The following BAHCC1 variants were observed in gnomAD, a reference collection of about 807,000 sequenced individuals.
BAHCC1 encodes BAH domain and coiled-coil containing 1, also known as BAH and coiled-coil domain-containing protein 1.
Under a neutral mutation model 88.2 loss-of-function variants are expected in BAHCC1, and 43 were observed. The observed-to-expected ratio is 0.49, with a 90% CI of 0.38 to 0.63. BAHCC1 has a LOEUF of 0.63. BAHCC1 is among the 20% of genes least tolerant of loss of function. The pLI, the probability that BAHCC1 is intolerant of heterozygous loss-of-function variation, is 0.00. For synonymous variants in BAHCC1, 1,510 were observed against 745.5 expected (o/e 2.03, Z -16.71); for missense variants, 3,023 against 1,654.8 (o/e 1.83, Z -14.34).
intron 2 of BAHCC1, among the ~76,000 whole-genome samples, chr17:81,424,989 TGGTGATAGTGATG>T (rs2064159577): frequency 7.3e-6 from 1 of 137,696 alleles, no homozygotes; most frequent in Non-Finnish European, 1.6e-5. Context: ...ATGTGGTTGG[TGGTGATAGTGATG>T]GGTGATGTGG....
chr17:81,422,711 G>A, intron 2 of BAHCC1: 1 of 398,542 alleles, frequency 2.5e-6, no homozygotes, highest in South Asian at 1.8e-5. Context: ...GTGTGGGAGA[G>A]CTCAAGGTAC....
Position 81,419,788 on chromosome 17 carries a change from C to CTTTTTTTTTTTTT in BAHCC1, c.179-7012_179-7011insTTTTTTTTTTTTT, listed in dbSNP as rs781909536. On this transcript the variant is annotated intron_variant, in intron 2 of 27. Coordinates refer to ENST00000675386, the MANE Select transcript of BAHCC1 (RefSeq NM_001377448.1). Reference sequence around the variant, plus strand: ...TGGAGCTGCCGCCATCTCAACGAGGCGTTTTTTTTTTTTTTTTTTTTTACA... The same window carrying CTTTTTTTTTTTTT: ...TGGAGCTGCCGCCATCTCAACGAGGCTTTTTTTTTTTTTGTTTTTTTTTTTTTTTTTTTTTACA... Among the ~76,000 whole-genome samples the CTTTTTTTTTTTTT allele has an allele frequency of 2.0e-5, 2 of 102,310 alleles. 1 individual carries two copies. The highest frequency in any genetic ancestry group is 3.9e-5 in the Non-Finnish European group (2 of 50,710). The allele number at this position is 102,310 out of a possible 152,430, so 67.1% of individuals were successfully genotyped here.
intron 2 of BAHCC1, among the ~76,000 whole-genome samples, chr17:81,426,451 T>TAGGG (rs879097937): frequency 5.0e-5 from 3 of 59,488 alleles, no homozygotes; most frequent in Admixed American, 1.8e-4. Context: ...TTGGGGGTGA[T>TAGGG]GTGGGTGATG....
At chr17:81,453,599 C>G (rs1409108749) in intron 14 of BAHCC1, among the ~76,000 whole-genome samples, 3 of 151,974 alleles carry the variant, frequency 2.0e-5, no homozygotes, top group Non-Finnish European at 2.9e-5. Context: ...CTGCCCCCCC[C>G]CAGAGCTGCC....
At chr17:81,406,779 G>A in intron 2 of BAHCC1, 1 of 419,642 alleles carries the variant, frequency 2.4e-6, no homozygotes, top group Non-Finnish European at 4.8e-6. Context: ...AGGCGCTGGG[G>A]GCAGGCGGCG....
At chr17:81,397,927 C>A (rs782534102) in intron 1 of BAHCC1, among the ~76,000 whole-genome samples, 2 of 152,212 alleles carry the variant, frequency 1.3e-5, no homozygotes, top group African/African-American at 2.4e-5. Flanking sequence ...TATGTATTCA[C>A]TTAATACATT....
intron 1 of BAHCC1, among the ~76,000 whole-genome samples, chr17:81,397,892 TA>T (rs1182773486): frequency 3.3e-5 from 5 of 152,238 alleles, no homozygotes; most frequent in African/African-American, 7.2e-5. Context: ...GAATAAATAT[TA>T]AAAAAGCTTA....
intron 2 of BAHCC1, chr17:81,401,306 G>A (rs78907170): frequency 1.3e-5 from 2 of 152,804 alleles, no homozygotes; most frequent in South Asian, 2.1e-4. Context: ...AGCACTTCCC[G>A]GGTTGGCCCA....
In BAHCC1 at chr17:81,399,121, G is replaced by A; in HGVS notation, c.-206-413G>A. ...GGCAGCGGGGGAGGGGAGAGGGTGT[G>A]CGTGTGAGTGTGTGTGTGTGTGTGT... On this transcript the variant is annotated intron_variant, in intron 1 of 27. Coordinates refer to ENST00000675386, the MANE Select transcript of BAHCC1 (RefSeq NM_001377448.1). The surrounding 1 kb of genome is among the most constrained non-coding windows in gnomAD (Gnocchi z 4.5). 4.8e-6 allele frequency: 1 copy of A among 207,042 alleles called. No homozygotes were observed. Among genetic ancestry groups the A allele is most frequent in the Non-Finnish European group, 1.0e-5 (1 of 98,830 alleles). The allele number at this position is 207,042 out of a possible 1,614,324, so 12.8% of individuals were successfully genotyped here.
intron 4 of BAHCC1, among the ~76,000 whole-genome samples, chr17:81,441,147 C>T (rs531040916): frequency 6.6e-6 from 1 of 152,204 alleles, no homozygotes; most frequent in African/African-American, 2.4e-5. Flanking sequence ...AGACTGGCCT[C>T]GGGTTTGCAT....
rs1371943177 is a variant in BAHCC1, at chr17:81,411,072, T to A, written c.178+11155T>A. Reference sequence around the variant, plus strand: ...TGCGCCTCCCCTCGGGCCTGAGGGGTCCCTCTCTCTGGGGTCACGCTCCCT... The same window carrying A: ...TGCGCCTCCCCTCGGGCCTGAGGGGACCCTCTCTCTGGGGTCACGCTCCCT... On this transcript the variant is annotated intron_variant, in intron 2 of 27. Transcript: ENST00000675386. This position sits in a 1 kb window ranked among gnomAD's most constrained non-coding sequence, Gnocchi z 6.2. 3.9e-6 allele frequency: 2 copies of A among 518,710 alleles called. No homozygotes were observed. The highest frequency in any genetic ancestry group is 1.9e-5 in the African/African-American group (1 of 51,788). The allele number at this position is 518,710 out of a possible 1,614,324, so 32.1% of individuals were successfully genotyped here.
intron 3 of BAHCC1, among the ~76,000 whole-genome samples, chr17:81,432,956 G>T (rs1350943498): frequency 1.5e-5 from 2 of 129,476 alleles, no homozygotes; most frequent in African/African-American, 3.0e-5. Flanking sequence ...TGGGGTTGGT[G>T]CCTGGATCCT....
In BAHCC1 at chr17:81,442,486, G is replaced by T; in HGVS notation, c.1137G>T (p.Leu379=). Residue 379 remains leucine (L), a synonymous_variant, in exon 5 of 28, where the codon CTG becomes CTT. Transcript: ENST00000675386. The stretch of plus-strand genomic sequence containing the variant: ...GGGGCCCTGACGGGCTCTGCCCGCT[G>T]CAGGACAAAGCCCCCCGGGACCTAA... The part of the protein sequence containing the change: ...LHGGPDGLCP[L]QDKAPRDLKA... The T allele has an allele frequency of 1.4e-6, 1 of 720,776 alleles. No homozygotes were observed. Among genetic ancestry groups the T allele is most frequent in the South Asian group, 1.5e-5 (1 of 67,550 alleles). 44.6% of individuals were successfully genotyped at this position (720,776 alleles called of 1,614,324 possible).
intron 2 of BAHCC1, among the ~76,000 whole-genome samples, chr17:81,400,555 G>A (rs1329008406): frequency 6.6e-6 from 1 of 152,218 alleles, no homozygotes; most frequent in East Asian, 1.9e-4. Flanking sequence ...CAGCCTCTCA[G>A]CCTGCGGCCC....
chr17:81,457,601 G>T lies in BAHCC1; in HGVS notation c.5041+9G>T. 1 of 719,502 alleles carries T rather than the reference G, an allele frequency of 1.4e-6. No homozygotes were observed. 44.6% of individuals were successfully genotyped at this position (719,502 alleles called of 1,614,324 possible). A position where few individuals can be genotyped will look rare whatever the true frequency, so the allele number is the denominator to read the frequency against. On this transcript the variant is annotated intron_variant, in intron 17 of 27. Transcript: ENST00000675386. Reference sequence around the variant, plus strand: ...GAGGCAGGGGTTGCTAGGTAACCAGGAGGGAGGACAGGGGTTGCTAGGTAA... The same window carrying T: ...GAGGCAGGGGTTGCTAGGTAACCAGTAGGGAGGACAGGGGTTGCTAGGTAA...
At chr17:81,453,061 C>T (rs1479903878) in intron 14 of BAHCC1, among the ~76,000 whole-genome samples, 2 of 152,176 alleles carry the variant, frequency 1.3e-5, no homozygotes, top group African/African-American at 4.8e-5. Flanking sequence ...TCTGGCAGCT[C>T]CCAGCACCAC....
intron 3 of BAHCC1, among the ~76,000 whole-genome samples, chr17:81,430,026 TTA>T (rs2064242501): frequency 6.6e-6 from 1 of 152,172 alleles, no homozygotes; most frequent in African/African-American, 2.4e-5. Flanking sequence ...GGCCCGCAGC[TTA>T]CCCGAGGCTC....
rs1555657330 is a variant in BAHCC1 at position 81,456,491 on chromosome 17, T to C, written c.4764T>C (p.Ser1588=). The C allele has an allele frequency of 1.4e-6, 1 of 719,550 alleles. No homozygotes were observed. The highest frequency in any genetic ancestry group is 2.6e-6 in the Non-Finnish European group (1 of 386,624). The allele number at this position is 719,550 out of a possible 1,614,324, so 44.6% of individuals were successfully genotyped here. A position where few individuals can be genotyped will look rare whatever the true frequency, so the allele number is the denominator to read the frequency against. ...CCCGAGCCAAGAGTGCCAAGGTGTC[T>C]GGGGCCACACGGCACCCACAGCCCA... ...KLSRAKSAKV[S]GATRHPQPKG... Residue 1588 remains serine, a synonymous_variant, in exon 16 of 28, where the codon TCT becomes TCC. Transcript: ENST00000675386.
chr17:81,417,891 G>A (rs1392316912), intron 2 of BAHCC1, among the ~76,000 whole-genome samples: 1 of 152,232 alleles, frequency 6.6e-6, no homozygotes, highest in Non-Finnish European at 1.5e-5. Flanking sequence ...GCCCATGGCT[G>A]CATGCTCTTG....
Sources: allele counts gnomAD v4.1 joint callset (sites outside exome capture counted in the v4.1 genomes callset), GRCh38; gene constraint gnomAD v4.1.1; non-coding constraint Gnocchi (gnomAD v3.1); transcripts MANE v1.5; gene names NCBI Gene and HGNC (gene_info 2026-07-23, HGNC 2026-07-21).